PDE4B: variants seen among roughly 807,000 people sequenced by gnomAD.
PDE4B encodes the protein phosphodiesterase 4B.
In PDE4B, 20 loss-of-function variants were observed where a neutral mutation model predicts 82.2. The ratio of observed to expected loss-of-function variants is 0.24; its 90% CI spans 0.17 to 0.35. The LOEUF (loss-of-function observed/expected upper bound fraction) is 0.35, where lower values mean the gene tolerates loss of function less well. PDE4B is among the 10% of genes least tolerant of loss of function. The pLI, the probability that PDE4B is intolerant of heterozygous loss-of-function variation, is 1.00. For missense variants in PDE4B, 655 were observed against 907.2 expected, an observed-to-expected ratio of 0.72 and a Z score of 3.57; for synonymous variants, 320 against 318.9, an observed-to-expected ratio of 1.00 and a Z score of -0.04.
intron 3 of PDE4B, among the ~76,000 whole-genome samples, chr1:65,926,158 C>G (rs1053203036): frequency 1.3e-5 from 2 of 152,184 alleles, no homozygotes; most frequent in South Asian, 4.1e-4. Context: ...TAAATATCCT[C>G]AGGGCAAAAG....
At chr1:66,056,465 A>ATC (rs1655296221) in intron 3 of PDE4B, among the ~76,000 whole-genome samples, 2 of 148,196 alleles carry the variant, frequency 1.3e-5, no homozygotes, top group African/African-American at 5.0e-5. Flanking sequence ...AGGAAATTTT[A>ATC]TATCTATCTA....
intron 9 of PDE4B, among the ~76,000 whole-genome samples, chr1:66,356,896 C>T (rs1662292212): frequency 6.6e-6 from 1 of 152,208 alleles, no homozygotes; most frequent in South Asian, 2.1e-4. Flanking sequence ...GAAGAATTTT[C>T]ATCCATCCTA....
chr1:65,895,183 A>G (rs1646895346), intron 1 of PDE4B, among the ~76,000 whole-genome samples: 1 of 152,176 alleles, frequency 6.6e-6, no homozygotes. Context: ...TAACAATGTT[A>G]GAGAACTGTA....
At chr1:66,044,021 GTATTATACTAAAT>G (rs1654543421) in intron 3 of PDE4B, among the ~76,000 whole-genome samples, 2 of 4,236 alleles carry the variant, frequency 4.7e-4, no homozygotes, top group Non-Finnish European at 1.5e-3. Flanking sequence ...GGTCTGTCAA[GTATTATACTAAAT>G]GTATTATACT....
At chr1:66,353,849 A>T (rs1662021643) in intron 8 of PDE4B, among the ~76,000 whole-genome samples, 1 of 152,180 alleles carries the variant, frequency 6.6e-6, no homozygotes, top group South Asian at 2.1e-4. Context: ...ATCTCAAACA[A>T]TTCACCATTC....
chr1:66,083,976 C>G (rs1163966687), intron 3 of PDE4B, among the ~76,000 whole-genome samples: 3 of 152,154 alleles, frequency 2.0e-5, no homozygotes, highest in Admixed American at 1.3e-4. Context: ...GGCAGTTTTT[C>G]TCAGCCTGAA....
At chr1:65,963,203 T>C (rs1649635891) in intron 3 of PDE4B, among the ~76,000 whole-genome samples, 1 of 152,188 alleles carries the variant, frequency 6.6e-6, no homozygotes, top group Non-Finnish European at 1.5e-5. Context: ...TTATTTTTAC[T>C]TGGGTTTTGT....
chr1:66,167,191 C>T (rs1252360505), intron 3 of PDE4B, among the ~76,000 whole-genome samples: 1 of 146,916 alleles, frequency 6.8e-6, no homozygotes, highest in Non-Finnish European at 1.5e-5. Context: ...AGCAAGTTTA[C>T]ACCTATGTTT....
chr1:66,242,454 G>C (rs1652960529), intron 3 of PDE4B, among the ~76,000 whole-genome samples: 1 of 152,316 alleles, frequency 6.6e-6, no homozygotes. Flanking sequence ...TTTCTAGCGG[G>C]TTATTTGTTA....
intron 4 of PDE4B, chr1:66,257,442 AG>A (rs1654323057): frequency 1.3e-6 from 1 of 759,688 alleles, no homozygotes; most frequent in African/African-American, 1.7e-5. Flanking sequence ...TAAATTCAGG[AG>A]TCATGAATCT....
At chr1:65,956,704 A>G (rs1649278124) in intron 3 of PDE4B, among the ~76,000 whole-genome samples, 1 of 152,072 alleles carries the variant, frequency 6.6e-6, no homozygotes, top group Non-Finnish European at 1.5e-5. Context: ...TGTTCCTATC[A>G]CTGTAAATGT....
At chr1:66,196,229 C>T (rs557777561) in intron 3 of PDE4B, among the ~76,000 whole-genome samples, 1 of 152,320 alleles carries the variant, frequency 6.6e-6, no homozygotes, top group Admixed American at 6.5e-5. Flanking sequence ...ACTGGCGGCC[C>T]TGGGTTTAGG....
upstream of PDE4B, chr1:65,792,568 G>C (rs1570937503): frequency 6.6e-6 from 1 of 152,110 alleles, no homozygotes; most frequent in East Asian, 1.9e-4. Context: ...GGCTGGGAGA[G>C]AGGGTTATTT....
intron 7 of PDE4B, among the ~76,000 whole-genome samples, chr1:66,294,228 C>A (rs540709956): frequency 1.3e-5 from 2 of 152,020 alleles, no homozygotes; most frequent in South Asian, 4.1e-4. Context: ...AAAAAAAAAT[C>A]TGTGATTTTA....
intron 9 of PDE4B, 48 bp downstream of exon 9, chr1:66,355,668 A>T: frequency 1.8e-6 from 2 of 1,118,456 alleles, no homozygotes; most frequent in Non-Finnish European, 2.7e-6. Flanking sequence ...GGGTTTTCAG[A>T]ATTAATTTCT....
At chr1:66,106,046 T>G (rs1029603656) in intron 3 of PDE4B, among the ~76,000 whole-genome samples, 63 of 152,122 alleles carry the variant, frequency 4.1e-4, no homozygotes, top group Non-Finnish European at 7.5e-4. Context: ...TTCCAGTTTG[T>G]GCCCATTCAG....
chr1:66,102,752 G>A (rs1157795848), intron 3 of PDE4B, among the ~76,000 whole-genome samples: 2 of 152,034 alleles, frequency 1.3e-5, no homozygotes, highest in Non-Finnish European at 2.9e-5. Flanking sequence ...TGAAAAGACT[G>A]AGACTCACTT....
intron 3 of PDE4B, among the ~76,000 whole-genome samples, chr1:66,243,893 T>G (rs1050771275): frequency 6.6e-6 from 1 of 152,220 alleles, no homozygotes; most frequent in Non-Finnish European, 1.5e-5. Context: ...GCAGGGTCTT[T>G]GGACCCAGGG....
At chr1:66,223,809 A>T (rs1431640869) in intron 3 of PDE4B, among the ~76,000 whole-genome samples, 1 of 151,988 alleles carries the variant, frequency 6.6e-6, no homozygotes, top group Non-Finnish European at 1.5e-5. Context: ...CCATCAGACT[A>T]TACACCTGCT....
Sources: gnomAD v4.1 joint callset for allele counts (sites outside exome capture counted in the v4.1 genomes callset) on GRCh38, gnomAD v4.1.1 for gene constraint, MANE v1.5 for transcripts, NCBI Gene and HGNC (gene_info 2026-07-23, HGNC 2026-07-21) for gene names.